Variants in RBFOX1 observed in about 807,000 individuals in gnomAD.
RBFOX1 encodes the protein RNA binding fox-1 homolog 1.
RBFOX1 carries 8 observed loss-of-function variants against 57.7 expected under a neutral mutation model. The ratio of observed to expected loss-of-function variants is 0.14; its 90% CI spans 0.08 to 0.25. The LOEUF is 0.25. RBFOX1 is among the 10% of genes least tolerant of loss of function. The pLI is 1.00. For synonymous variants in RBFOX1, 326 were observed against 222.4 expected (o/e 1.47, Z -4.15); for missense variants, 611 against 548.5 (o/e 1.11, Z -1.14).
intron 4 of RBFOX1, among the ~76,000 whole-genome samples, chr16:7,383,172 G>C (rs776226296): frequency 2.6e-5 from 4 of 151,354 alleles, no homozygotes; most frequent in Non-Finnish European, 5.9e-5. Flanking sequence ...TGTTTATCCC[G>C]TTGTCCATGA....
intron 3 of RBFOX1, among the ~76,000 whole-genome samples, chr16:6,865,731 T>C (rs577711701): frequency 6.6e-6 from 1 of 152,368 alleles, no homozygotes; most frequent in East Asian, 1.9e-4. Flanking sequence ...TTTGCTATTT[T>C]ATCACCTTTC....
At chr16:7,709,850 C>T (rs1009954689) in intron 15 of RBFOX1, 71 of 1,213,550 alleles carry the variant, frequency 5.9e-5, no homozygotes, top group African/African-American at 2.1e-4. Flanking sequence ...TACAGTAAGA[C>T]GTGCCCATCA....
intron 4 of RBFOX1, among the ~76,000 whole-genome samples, chr16:7,484,060 A>C (rs12447548): frequency 0.37 from 56,717 of 151,980 alleles, 12,255 homozygotes; most frequent in Non-Finnish European, 0.5. Context: ...TGTTGTTTTG[A>C]ATTTCATAAT....
At chr16:6,800,702 C>T (rs925287203) in intron 3 of RBFOX1, among the ~76,000 whole-genome samples, 10 of 152,010 alleles carry the variant, frequency 6.6e-5, no homozygotes, top group African/African-American at 2.2e-4. Context: ...CGTGGACGTT[C>T]AGTTTTTCCT....
At chr16:7,701,052 C>A (rs1296369272) in intron 14 of RBFOX1, among the ~76,000 whole-genome samples, 2 of 152,118 alleles carry the variant, frequency 1.3e-5, no homozygotes, top group Admixed American at 6.5e-5. Flanking sequence ...TGTGTTCCCT[C>A]CTACTTCTCA....
intron 3 of RBFOX1, among the ~76,000 whole-genome samples, chr16:5,756,882 T>C (rs2053416758): frequency 6.6e-6 from 1 of 152,170 alleles, no homozygotes; most frequent in African/African-American, 2.4e-5. Context: ...CTAAGCACGT[T>C]ACATTTGTAT....
At chr16:5,614,060 C>A (rs2047927433) in intron 3 of RBFOX1, among the ~76,000 whole-genome samples, 1 of 152,066 alleles carries the variant, frequency 6.6e-6, no homozygotes, top group African/African-American at 2.4e-5. Context: ...GAAGCCCAGC[C>A]TTTTTCTCGC....
chr16:5,665,702 T>C (rs565848479), intron 3 of RBFOX1, among the ~76,000 whole-genome samples: 1 of 152,176 alleles, frequency 6.6e-6, no homozygotes, highest in Non-Finnish European at 1.5e-5. Context: ...TGTTTCTCCA[T>C]GTTTACTGAG....
chr16:5,900,144 G>C (rs1047466501), intron 4 of RBFOX1, among the ~76,000 whole-genome samples: 1 of 152,098 alleles, frequency 6.6e-6, no homozygotes, highest in South Asian at 2.1e-4. Flanking sequence ...TTGTACCTTT[G>C]TTTGGGCAGT....
chr16:6,842,460 A>C (rs1044250765), intron 3 of RBFOX1, among the ~76,000 whole-genome samples: 16 of 152,202 alleles, frequency 1.1e-4, no homozygotes, highest in African/African-American at 3.1e-4. Flanking sequence ...ATTTATATAC[A>C]AATATGAATG....
intron 3 of RBFOX1, among the ~76,000 whole-genome samples, chr16:5,853,694 G>C (rs1371874423): frequency 6.6e-6 from 1 of 152,220 alleles, no homozygotes. Context: ...CTGTAGACGA[G>C]GGAGGTGTGG....
chr16:5,463,777 G>A (rs1442247093), intron 1 of RBFOX1, among the ~76,000 whole-genome samples: 1 of 150,522 alleles, frequency 6.6e-6, no homozygotes, highest in African/African-American at 2.5e-5. Context: ...TCCAGCCTGG[G>A]TGACAGAGTG....
intron 3 of RBFOX1, among the ~76,000 whole-genome samples, chr16:6,894,443 C>T (rs1293958869): frequency 6.6e-6 from 1 of 152,146 alleles, no homozygotes; most frequent in South Asian, 2.1e-4. Flanking sequence ...AGAATGCCTT[C>T]CCGAATTTGT....
chr16:7,270,855 T>C (rs1476612061), intron 4 of RBFOX1, among the ~76,000 whole-genome samples: 1 of 152,172 alleles, frequency 6.6e-6, no homozygotes, highest in Non-Finnish European at 1.5e-5. Context: ...AACTTTTCTT[T>C]TTGATAAGAA....
intron 1 of RBFOX1, among the ~76,000 whole-genome samples, chr16:6,126,633 C>CT (rs1357499151): frequency 6.6e-6 from 1 of 152,152 alleles, no homozygotes; most frequent in Non-Finnish European, 1.5e-5. Flanking sequence ...TGGGATGCCT[C>CT]TTTTTACTTA....
chr16:6,663,627 C>G (rs760054948), intron 3 of RBFOX1, among the ~76,000 whole-genome samples: 10 of 152,218 alleles, frequency 6.6e-5, no homozygotes, highest in Non-Finnish European at 7.3e-5. Flanking sequence ...GAGCGCCCAT[C>G]TGGATGAGAC....
chr16:5,926,277 A>T (rs1040945625), intron 4 of RBFOX1, among the ~76,000 whole-genome samples: 2 of 152,238 alleles, frequency 1.3e-5, no homozygotes, highest in African/African-American at 4.8e-5. Context: ...GCATTCAGGA[A>T]CGCTGTAGCT....
chr16:6,752,562 G>A (rs946474261), intron 3 of RBFOX1, among the ~76,000 whole-genome samples: 2 of 152,164 alleles, frequency 1.3e-5, no homozygotes, highest in Admixed American at 6.5e-5. Context: ...CTAAAGAATA[G>A]AGTGATACTC....
At chr16:7,340,359 G>A (rs2096869666) in intron 4 of RBFOX1, among the ~76,000 whole-genome samples, 1 of 152,222 alleles carries the variant, frequency 6.6e-6, no homozygotes, top group African/African-American at 2.4e-5. Context: ...TGTTGCCATT[G>A]ATCATATTTA....
Sources: gnomAD v4.1 joint callset for allele counts (sites outside exome capture counted in the v4.1 genomes callset) on GRCh38, gnomAD v4.1.1 for gene constraint, MANE v1.5 for transcripts, NCBI Gene and HGNC (gene_info 2026-07-23, HGNC 2026-07-21) for gene names.